Variants in DNAH9 observed in about 807,000 individuals in gnomAD.
DNAH9 encodes DNAH9 variant protein.
DNAH9 carries 345 observed loss-of-function variants against 471.6 expected under a neutral mutation model. The ratio of observed to expected loss-of-function variants is 0.73; its 90% CI spans 0.67 to 0.80. The LOEUF (loss-of-function observed/expected upper bound fraction) is 0.80, where lower values mean the gene tolerates loss of function less well. Among genes scored for constraint, DNAH9 ranks in the 30% least tolerant of loss-of-function variants. The pLI is 0.00. For missense variants in DNAH9, 5,407 were observed against 5,609.2 expected, an observed-to-expected ratio of 0.96 and a Z score of 1.15; for synonymous variants, 2,093 against 2,123.6, an observed-to-expected ratio of 0.99 and a Z score of 0.40.
intron 26 of DNAH9, among the ~76,000 whole-genome samples, chr17:11,707,687 A>G (rs897834155): frequency 1.3e-5 from 2 of 152,068 alleles, no homozygotes; most frequent in African/African-American, 4.8e-5. Context: ...TCCACTCTGC[A>G]TGGACCAAAA....
chr17:11,813,535 A>G (rs1969994469), intron 45 of DNAH9, among the ~76,000 whole-genome samples: 1 of 152,176 alleles, frequency 6.6e-6, no homozygotes, highest in Non-Finnish European at 1.5e-5. Flanking sequence ...GGACTAGGAA[A>G]CCATAACTTA....
intron 19 of DNAH9, among the ~76,000 whole-genome samples, chr17:11,687,094 A>C (rs1166950353): frequency 6.6e-6 from 1 of 152,068 alleles, no homozygotes; most frequent in African/African-American, 2.4e-5. Context: ...TTTCTTCCTC[A>C]TAAGGGAGAA....
intron 41 of DNAH9, among the ~76,000 whole-genome samples, chr17:11,785,952 G>A (rs892401743): frequency 1.1e-4 from 17 of 152,292 alleles, no homozygotes; most frequent in Admixed American, 7.8e-4. Context: ...CAGCAGCAAA[G>A]TTTGTGCTTA....
chr17:11,849,624 A>G (rs1483020598), intron 49 of DNAH9, among the ~76,000 whole-genome samples: 2 of 152,144 alleles, frequency 1.3e-5, no homozygotes, highest in Admixed American at 6.5e-5. Context: ...GCCATTTCCC[A>G]TCATTGAGAT....
At chr17:11,903,752 T>C (rs1480948336) in intron 60 of DNAH9, among the ~76,000 whole-genome samples, 1 of 151,932 alleles carries the variant, frequency 6.6e-6, no homozygotes, top group Admixed American at 6.6e-5. Context: ...CTACTAAAAA[T>C]ACAGAAAAAT....
chr17:11,895,252 T>C (rs1004160357), intron 59 of DNAH9, among the ~76,000 whole-genome samples: 1 of 152,206 alleles, frequency 6.6e-6, no homozygotes, highest in African/African-American at 2.4e-5. Flanking sequence ...TGGCAGGGAA[T>C]GCTGGGTGAG....
At position 11,891,800 on chromosome 17, in the gene DNAH9, G is replaced by A. The variant is rs981075466; in HGVS notation, c.11136G>A (p.Lys3712=). The change falls in exon 58 of 69, where the codon AAG becomes AAA. Residue 3712 remains lysine (K), a synonymous_variant. Coordinates refer to ENST00000262442, the MANE Select transcript of DNAH9 (RefSeq NM_001372.4). ...SLKAFSIVFQ[K]AVERAAPDES... Reference sequence around the variant, plus strand: ...AGGCCTTCAGTATCGTCTTCCAGAAGGCTGTGGAGAGGGCTGCTCCTGACG... The same window carrying A: ...AGGCCTTCAGTATCGTCTTCCAGAAAGCTGTGGAGAGGGCTGCTCCTGACG... 2.5e-6 allele frequency: 4 copies of A among 1,614,002 alleles called. No individual in the cohort carries two copies. In the African/African-American group the frequency reaches 5.3e-5, roughly 22 times the overall value.
chr17:11,757,002 C>T (rs1482457577), intron 34 of DNAH9, among the ~76,000 whole-genome samples: 1 of 152,068 alleles, frequency 6.6e-6, no homozygotes, highest in Non-Finnish European at 1.5e-5. Flanking sequence ...CATCTGTCTC[C>T]ACTGAACAAA....
In DNAH9 at chr17:11,784,372, A is replaced by T. The variant is rs532385798; in HGVS notation, c.7894A>T (p.Thr2632Ser). 6.2e-7 allele frequency: 1 copy of T among 1,614,094 alleles called. No homozygotes were observed. Among genetic ancestry groups the T allele is most frequent in the Admixed American group, 1.7e-5 (1 of 60,012 alleles). ...GTCCTCTATCTACAGCATCATCCTC[A>T]CTCAGCATCTGAAGCTCGGAAACTT... ...ALSSIYSIIL[T>S]QHLKLGNFPA... is the part of the protein sequence containing the mutation. The change falls in exon 41 of 69, where the codon ACT becomes TCT. Residue 2632 changes from threonine to serine, a missense_variant. Around this residue, in one of 3 missense-constraint regions of DNAH9, gnomAD observed 4,636 missense variants for 4,900.3 expected, o/e 0.95. Transcript: ENST00000262442.
chr17:11,669,418 A>T lies in DNAH9; in HGVS notation c.2977A>T (p.Met993Leu). The change falls in exon 17 of 69, where the codon ATG (methionine) becomes TTG (leucine). Residue 993 changes from methionine (M) to leucine (L), a missense_variant. Physicochemically the swap from Met to Leu is conservative, Grantham distance 15 (BLOSUM62 2). Around this residue, in one of 3 missense-constraint regions of DNAH9, gnomAD observed 4,636 missense variants for 4,900.3 expected, o/e 0.95. Coordinates refer to ENST00000262442, the MANE Select transcript of DNAH9 (RefSeq NM_001372.4). Reference protein sequence around the residue: ...PDLANMRRTLMERVQRMMGLC... With the variant: ...PDLANMRRTLLERVQRMMGLC... ...TTTGGCAAACATGCGGCGCACACTC[A>T]TGGAGAGAGTCCAGAGAATGATGGG... The T allele has an allele frequency of 3.1e-6, 5 of 1,614,052 alleles. No homozygotes were observed. The South Asian group carries it at 3.3e-5, about 11-fold the overall frequency.
chr17:11,617,374 C>T (rs2072767372), intron 4 of DNAH9, 37 bp from the exon 5 acceptor site: 2 of 1,498,672 alleles, frequency 1.3e-6, no homozygotes, highest in Non-Finnish European at 1.9e-6. Context: ...GTATTAGGCT[C>T]CAGATGGGAA....
chr17:11,701,104 C>A lies in DNAH9; in HGVS notation c.5026-18C>A. 6.2e-7 allele frequency: 1 copy of A among 1,613,966 alleles called. No individual in the cohort carries two copies. Among genetic ancestry groups the A allele is most frequent in the South Asian group, 1.1e-5 (1 of 91,066 alleles). On this transcript the variant is annotated intron_variant, in intron 23 of 68. Coordinates refer to ENST00000262442, the MANE Select transcript of DNAH9 (RefSeq NM_001372.4). Reference sequence around the variant, plus strand: ...AACTTCTCAGGCACCCAGTGTCTAACCTGAGTTGTTCTTTCAGGTAGAAAT... The same window carrying A: ...AACTTCTCAGGCACCCAGTGTCTAAACTGAGTTGTTCTTTCAGGTAGAAAT...
intron 20 of DNAH9, among the ~76,000 whole-genome samples, chr17:11,692,037 C>T (rs1012246420): frequency 5.9e-5 from 8 of 135,372 alleles, no homozygotes; most frequent in Non-Finnish European, 1.1e-4. Context: ...CTCCTGACCT[C>T]GTGATCTGCC....
In DNAH9 at chr17:11,953,314, A is replaced by G. The variant is rs550591710; in HGVS notation, c.12844-8553A>G. Among the ~76,000 whole-genome samples, 125 of 152,260 alleles carry G rather than the reference A, an allele frequency of 8.2e-4. 1 individual carries two copies. Among genetic ancestry groups the G allele is most frequent in the African/African-American group, 2.7e-3 (111 of 41,562 alleles). On this transcript the variant is annotated intron_variant, in intron 67 of 68. Transcript: ENST00000262442. Reference sequence around the variant, plus strand: ...GTGGTTCTACCAGCCACCAACCCACAGCCCTTTTGTGCTGGTCAGGCCTCA... The same window carrying G: ...GTGGTTCTACCAGCCACCAACCCACGGCCCTTTTGTGCTGGTCAGGCCTCA...
chr17:11,861,315 A>G (rs1383673225), intron 50 of DNAH9, among the ~76,000 whole-genome samples: 1 of 151,520 alleles, frequency 6.6e-6, no homozygotes, highest in African/African-American at 2.4e-5. Context: ...GAGAATGATG[A>G]TTTCCAATTT....
At chr17:11,744,766 C>G (rs1052800281) in intron 30 of DNAH9, 31 bp from the exon 31 acceptor site, 3 of 1,584,194 alleles carry the variant, frequency 1.9e-6, no homozygotes, top group East Asian at 2.2e-5. Flanking sequence ...TGTTCTGTCT[C>G]TCTGTCACTT....
chr17:11,730,834 C>CTGA (rs59288290), intron 28 of DNAH9, among the ~76,000 whole-genome samples: 2 of 149,706 alleles, frequency 1.3e-5, no homozygotes, highest in South Asian at 4.3e-4. Flanking sequence ...GATGGTGATG[C>CTGA]TGATGATGAT....
At chr17:11,672,000 T>C (rs1464671805) in intron 17 of DNAH9, among the ~76,000 whole-genome samples, 2 of 152,242 alleles carry the variant, frequency 1.3e-5, no homozygotes, top group Admixed American at 6.5e-5. Context: ...GCTATTGTGT[T>C]ACACTTTAGA....
chr17:11,928,713 G>T (rs1048732094), intron 62 of DNAH9, among the ~76,000 whole-genome samples: 2 of 152,238 alleles, frequency 1.3e-5, no homozygotes, highest in African/African-American at 4.8e-5. Flanking sequence ...TGTGTTTCAG[G>T]AAGATAAGTT....
Sources: allele counts gnomAD v4.1 joint callset (sites outside exome capture counted in the v4.1 genomes callset), GRCh38; gene constraint gnomAD v4.1.1; regional missense constraint gnomAD v4.1.1; transcripts MANE v1.5; gene names NCBI Gene and HGNC (gene_info 2026-07-23, HGNC 2026-07-21).